CSRNP3: variants seen among roughly 807,000 people sequenced by gnomAD.
The protein encoded by CSRNP3 is cysteine and serine rich nuclear protein 3, also known as cysteine/serine-rich nuclear protein 3.
In CSRNP3, 12 loss-of-function variants were observed where a neutral mutation model predicts 48.0. That is an observed-to-expected ratio of 0.25 (90% CI 0.16 to 0.41). The LOEUF is 0.41. Among genes scored for constraint, CSRNP3 ranks in the 10% least tolerant of loss-of-function variants. CSRNP3 has a pLI of 1.00. For synonymous variants in CSRNP3, 263 were observed against 269.7 expected (o/e 0.98, Z 0.24); for missense variants, 580 against 724.4 (o/e 0.80, Z 2.29).
intron 4 of CSRNP3, among the ~76,000 whole-genome samples, chr2:165,601,157 G>C (rs1212209124): frequency 6.6e-6 from 1 of 152,166 alleles, no homozygotes; most frequent in Non-Finnish European, 1.5e-5. Flanking sequence ...GTATTGCTGT[G>C]AAACGCTTTG....
chr2:165,677,375 A>G (rs191551092), intron 6 of CSRNP3, among the ~76,000 whole-genome samples: 63 of 152,342 alleles, frequency 4.1e-4, no homozygotes, highest in Middle Eastern at 6.8e-3. Flanking sequence ...GCAAATAAAA[A>G]GTTTACCAAC....
intron 4 of CSRNP3, among the ~76,000 whole-genome samples, chr2:165,614,393 C>T (rs991816595): frequency 1.3e-5 from 2 of 152,140 alleles, no homozygotes; most frequent in African/African-American, 2.4e-5. Flanking sequence ...GACAATTTGA[C>T]TTACTTTTCC....
chr2:165,514,240 C>T (rs147753506), intron 2 of CSRNP3, among the ~76,000 whole-genome samples: 6 of 152,302 alleles, frequency 3.9e-5, no homozygotes, highest in African/African-American at 1.4e-4. Flanking sequence ...CCCTGCTAAG[C>T]CCAACCATAG....
chr2:165,518,873 A>G (rs41471145), intron 3 of CSRNP3, among the ~76,000 whole-genome samples: 26,862 of 152,008 alleles, frequency 0.18, 2,565 homozygotes, highest in Non-Finnish European at 0.2. Context: ...TAAGTGAATA[A>G]GATATGGTCC....
chr2:165,513,392 A>G (rs1684534879), intron 2 of CSRNP3, among the ~76,000 whole-genome samples: 1 of 152,056 alleles, frequency 6.6e-6, no homozygotes, highest in African/African-American at 2.4e-5. Context: ...TTGGGTTGTG[A>G]TGTGTGCCAG....
rs972979952 is a variant in CSRNP3, at chr2:165,679,799, T to C, written c.*46T>C. On this transcript the variant is annotated 3_prime_UTR_variant, in exon 7 of 7. Coordinates refer to ENST00000651982, the MANE Select transcript of CSRNP3 (RefSeq NM_001172173.2). ...CCAACTCTTCTCTTATTTAAGGCAC[T>C]GTATTTAATTGGATTTCCTGGGCTC... 5.1e-6 allele frequency: 8 copies of C among 1,554,410 alleles called. No homozygotes were observed. The highest frequency in any genetic ancestry group is 6.1e-6 in the Non-Finnish European group (7 of 1,151,250).
intron 3 of CSRNP3, among the ~76,000 whole-genome samples, chr2:165,528,328 A>G (rs550001492): frequency 6.6e-6 from 1 of 152,296 alleles, no homozygotes; most frequent in East Asian, 1.9e-4. Flanking sequence ...AGTTTGATAT[A>G]ATTCCCTTTG....
chr2:165,587,375 T>C (rs1376451613), intron 3 of CSRNP3, among the ~76,000 whole-genome samples: 3 of 152,230 alleles, frequency 2.0e-5, no homozygotes, highest in African/African-American at 7.2e-5. Flanking sequence ...GAGGAAATGA[T>C]ACTGGCTTTG....
At chr2:165,627,714 T>C (rs781025622) in intron 4 of CSRNP3, among the ~76,000 whole-genome samples, 16 of 152,204 alleles carry the variant, frequency 1.1e-4, no homozygotes, top group Non-Finnish European at 1.9e-4. Context: ...TCTTGTCACA[T>C]GACCTTACTC....
At chr2:165,508,662 T>C (rs917148310) in intron 2 of CSRNP3, among the ~76,000 whole-genome samples, 1 of 152,188 alleles carries the variant, frequency 6.6e-6, no homozygotes, top group Non-Finnish European at 1.5e-5. Flanking sequence ...TTATATTTTC[T>C]CTGAGGGTTT....
At chr2:165,678,435 T>C (rs1687465564) in intron 6 of CSRNP3, among the ~76,000 whole-genome samples, 1 of 152,074 alleles carries the variant, frequency 6.6e-6, no homozygotes, top group Non-Finnish European at 1.5e-5. Context: ...TAGAAAGCCA[T>C]GGAGTGGGTC....
chr2:165,632,858 A>G (rs1686562107), intron 4 of CSRNP3, among the ~76,000 whole-genome samples: 5 of 152,230 alleles, frequency 3.3e-5, no homozygotes, highest in African/African-American at 1.2e-4. Context: ...TTCGTTTCCT[A>G]TCTGCAAAGT....
intron 4 of CSRNP3, among the ~76,000 whole-genome samples, chr2:165,652,171 C>T (rs1159722189): frequency 6.6e-6 from 1 of 152,062 alleles, no homozygotes; most frequent in Non-Finnish European, 1.5e-5. Context: ...TTGCTTCAGG[C>T]TGGTATTATG....
At chr2:165,524,697 A>AT (rs1684710025) in intron 3 of CSRNP3, among the ~76,000 whole-genome samples, 1 of 152,182 alleles carries the variant, frequency 6.6e-6, no homozygotes, top group Non-Finnish European at 1.5e-5. Flanking sequence ...AACACAGAGA[A>AT]TGTAATCTTT....
At chr2:165,485,731 G>C (rs1574797238) in intron 1 of CSRNP3, among the ~76,000 whole-genome samples, 1 of 152,142 alleles carries the variant, frequency 6.6e-6, no homozygotes, top group Non-Finnish European at 1.5e-5. Context: ...AAATTCTTGA[G>C]AATGATCACC....
At chr2:165,474,395 C>A (rs1683934228) in intron 1 of CSRNP3, among the ~76,000 whole-genome samples, 1 of 152,108 alleles carries the variant, frequency 6.6e-6, no homozygotes, top group African/African-American at 2.4e-5. Flanking sequence ...GCTTATACCA[C>A]TGTCCCTGGC....
chr2:165,534,677 T>C (rs904672338), intron 3 of CSRNP3, among the ~76,000 whole-genome samples: 1 of 151,634 alleles, frequency 6.6e-6, no homozygotes, highest in Admixed American at 6.6e-5. Context: ...AATAAAAAAA[T>C]AAAGTGGTTC....
At chr2:165,537,783 T>A (rs1474333911) in intron 3 of CSRNP3, among the ~76,000 whole-genome samples, 1 of 151,922 alleles carries the variant, frequency 6.6e-6, no homozygotes, top group East Asian at 1.9e-4. Flanking sequence ...TATTTTCTTC[T>A]CTTTGTATTG....
At position 165,678,882 on chromosome 2, in the gene CSRNP3, G is replaced by C; in HGVS notation, c.887G>C (p.Ser296Thr). The C allele has an allele frequency of 6.2e-7, 1 of 1,614,004 alleles. No individual in the cohort carries two copies. Among genetic ancestry groups the C allele is most frequent in the Non-Finnish European group, 8.5e-7 (1 of 1,179,970 alleles). ...CTGAATGGCTGCCACAGTGAGATAAGTGCTCACAGTAGTTCTATGGGCCCT... is the reference window on the plus strand; with the variant it reads ...CTGAATGGCTGCCACAGTGAGATAACTGCTCACAGTAGTTCTATGGGCCCT... ...PTLNGCHSEISAHSSSMGPVA... is the reference protein window; with the variant it reads ...PTLNGCHSEITAHSSSMGPVA... The change falls in exon 7 of 7, where the codon AGT becomes ACT. Residue 296 changes from serine (S) to threonine (T), a missense_variant. Physicochemically the swap from Ser to Thr is moderately conservative, Grantham distance 58 (BLOSUM62 1). Transcript: ENST00000651982.
Sources: gnomAD v4.1 joint callset for allele counts (sites outside exome capture counted in the v4.1 genomes callset) on GRCh38, gnomAD v4.1.1 for gene constraint, MANE v1.5 for transcripts, NCBI Gene and HGNC (gene_info 2026-07-23, HGNC 2026-07-21) for gene names.